The following MIPOL1 variants were observed in gnomAD, a reference collection of about 807,000 sequenced individuals.
MIPOL1 encodes mirror-image polydactyly 1.
In MIPOL1, 57 loss-of-function variants were observed where a neutral mutation model predicts 60.9. The ratio of observed to expected loss-of-function variants is 0.94; its 90% CI spans 0.76 to 1.17. The LOEUF is 1.17. Ranked by LOEUF, MIPOL1 falls within the 50% of genes most tolerant of loss-of-function variation. The pLI, the probability that MIPOL1 is intolerant of heterozygous loss-of-function variation, is 0.00. For synonymous variants in MIPOL1, 179 were observed against 168.8 expected (o/e 1.06, Z -0.47); for missense variants, 551 against 511.6 (o/e 1.08, Z -0.74).
At chr14:37,404,279 A>G (rs74045636) in intron 10 of MIPOL1, among the ~76,000 whole-genome samples, 8,819 of 152,202 alleles carry the variant, frequency 0.058, 895 homozygotes, top group African/African-American at 0.2. Flanking sequence ...GGGTTTAGTA[A>G]AATTGCTTCT....
chr14:37,397,556 G>A (rs1345109253), intron 10 of MIPOL1, among the ~76,000 whole-genome samples: 1 of 152,164 alleles, frequency 6.6e-6, no homozygotes, highest in Non-Finnish European at 1.5e-5. Context: ...AAATTCCCAA[G>A]AGTACATGTA....
chr14:37,460,127 C>G (rs1220556274), intron 11 of MIPOL1, among the ~76,000 whole-genome samples: 1 of 148,172 alleles, frequency 6.7e-6, no homozygotes, highest in East Asian at 2.0e-4. Context: ...AAAATTCTAG[C>G]AAAGCAAATC....
chr14:37,517,372 C>G (rs1053122576), intron 12 of MIPOL1, among the ~76,000 whole-genome samples: 1 of 152,076 alleles, frequency 6.6e-6, no homozygotes, highest in African/African-American at 2.4e-5. Context: ...AACCATGTAA[C>G]TTTTGAAAGG....
At chr14:37,214,797 C>T (rs1187207755) in intron 1 of MIPOL1, among the ~76,000 whole-genome samples, 7 of 152,044 alleles carry the variant, frequency 4.6e-5, no homozygotes, top group African/African-American at 9.7e-5. Flanking sequence ...TGGAAAGACA[C>T]CCATTACCAA....
intron 11 of MIPOL1, among the ~76,000 whole-genome samples, chr14:37,427,091 G>A (rs1302809085): frequency 6.6e-6 from 1 of 152,024 alleles, no homozygotes; most frequent in Non-Finnish European, 1.5e-5. Context: ...TGAAAGTAAG[G>A]ACAAGCAGTT....
At chr14:37,516,871 T>C (rs1223392240) in intron 12 of MIPOL1, among the ~76,000 whole-genome samples, 2 of 152,150 alleles carry the variant, frequency 1.3e-5, no homozygotes, top group African/African-American at 2.4e-5. Flanking sequence ...AAATGAAGCT[T>C]TATTATCCAA....
chr14:37,348,253 A>G (rs922004076), intron 9 of MIPOL1, among the ~76,000 whole-genome samples: 68 of 152,170 alleles, frequency 4.5e-4, no homozygotes, highest in Non-Finnish European at 3.1e-4. Flanking sequence ...ATTTCCTCTA[A>G]ATTAACTTTT....
At chr14:37,214,849 C>T (rs893266560) in intron 1 of MIPOL1, among the ~76,000 whole-genome samples, 2 of 152,088 alleles carry the variant, frequency 1.3e-5, no homozygotes, top group African/African-American at 4.8e-5. Context: ...CAAGGAAAAA[C>T]ACCTGCTACT....
intron 11 of MIPOL1, among the ~76,000 whole-genome samples, chr14:37,456,116 G>T (rs1013497389): frequency 1.3e-5 from 2 of 151,414 alleles, no homozygotes; most frequent in Non-Finnish European, 3.0e-5. Context: ...ATTAATATTG[G>T]TAACTTTTTT....
intron 12 of MIPOL1, among the ~76,000 whole-genome samples, chr14:37,510,102 A>G (rs568720726): frequency 6.6e-6 from 1 of 152,044 alleles, no homozygotes; most frequent in East Asian, 1.9e-4. Flanking sequence ...ACATATATGA[A>G]CCATACATAT....
intron 9 of MIPOL1, among the ~76,000 whole-genome samples, chr14:37,345,015 C>CAA (rs11303363): frequency 4.7e-5 from 6 of 128,706 alleles, no homozygotes; most frequent in South Asian, 2.5e-4. Flanking sequence ...AGACTCTTAT[C>CAA]AAAAAAAAAA....
At chr14:37,318,816 T>TTAG (rs1267338936) in intron 9 of MIPOL1, among the ~76,000 whole-genome samples, 1,731 of 147,222 alleles carry the variant, frequency 0.012, 28 homozygotes, top group African/African-American at 0.039. Context: ...TATTTATTTA[T>TTAG]TTATTTATTT....
At chr14:37,303,559 T>TA (rs1425089674) in intron 7 of MIPOL1, among the ~76,000 whole-genome samples, 3 of 151,894 alleles carry the variant, frequency 2.0e-5, no homozygotes, top group African/African-American at 7.2e-5. Context: ...ATTTATTTGT[T>TA]ACAGTTTTTA....
intron 3 of MIPOL1, among the ~76,000 whole-genome samples, chr14:37,252,530 A>T (rs1378486296): frequency 3.3e-5 from 5 of 151,926 alleles, no homozygotes; most frequent in East Asian, 1.9e-4. Flanking sequence ...AATTTTTTTT[A>T]AATAAATGAA....
chr14:37,294,044 C>T (rs886379283), intron 7 of MIPOL1, among the ~76,000 whole-genome samples: 1 of 152,206 alleles, frequency 6.6e-6, no homozygotes, highest in Non-Finnish European at 1.5e-5. Context: ...AGTAGCCTAA[C>T]TGGGAGGCAT....
intron 11 of MIPOL1, among the ~76,000 whole-genome samples, chr14:37,432,235 G>GTTA (rs1307998649): frequency 6.6e-6 from 1 of 152,146 alleles, no homozygotes; most frequent in East Asian, 1.9e-4. Context: ...TCCTACCATA[G>GTTA]TTATTCACAG....
At chr14:37,508,898 G>A (rs2095303449) in intron 12 of MIPOL1, among the ~76,000 whole-genome samples, 1 of 151,908 alleles carries the variant, frequency 6.6e-6, no homozygotes, top group Admixed American at 6.6e-5. Flanking sequence ...TATCCTACTT[G>A]AACTCTCATC....
At chr14:37,232,981 G>A (rs1025616429) in intron 1 of MIPOL1, among the ~76,000 whole-genome samples, 1 of 152,152 alleles carries the variant, frequency 6.6e-6, no homozygotes, top group African/African-American at 2.4e-5. Flanking sequence ...TAGCTGAGGT[G>A]TATACTGTTT....
intron 6 of MIPOL1, among the ~76,000 whole-genome samples, chr14:37,281,675 G>T (rs915336641): frequency 6.6e-6 from 1 of 152,280 alleles, no homozygotes; most frequent in Non-Finnish European, 1.5e-5. Context: ...AAAGGGCTGG[G>T]ATTACAGGCA....
Sources: gnomAD v4.1 joint callset for allele counts (sites outside exome capture counted in the v4.1 genomes callset) on GRCh38, gnomAD v4.1.1 for gene constraint, MANE v1.5 for transcripts, NCBI Gene and HGNC (gene_info 2026-07-23, HGNC 2026-07-21) for gene names.